The following RHOA variants were observed in gnomAD, a reference collection of about 807,000 sequenced individuals.
RHOA encodes ras homolog family member A.
Under a neutral mutation model 17.5 loss-of-function variants are expected in RHOA, and 3 were observed. The ratio of observed to expected loss-of-function variants is 0.17; its 90% CI spans 0.08 to 0.44. RHOA has a LOEUF of 0.44. Among genes scored for constraint, RHOA ranks in the 20% least tolerant of loss-of-function variants. RHOA has a pLI of 0.99. For missense variants in RHOA, 56 were observed against 242.3 expected (o/e 0.23, Z 5.10); for synonymous variants, 98 against 88.4 (o/e 1.11, Z -0.61).
chr3:49,367,820 CTTAGT>C (rs930408691), intron 3 of RHOA, among the ~76,000 whole-genome samples: 3 of 151,906 alleles, frequency 2.0e-5, no homozygotes, highest in Non-Finnish European at 4.4e-5. Context: ...CCGCACCAGC[CTTAGT>C]TTACTCATCT....
chr3:49,390,507 G>T (rs996377670), intron 1 of RHOA, among the ~76,000 whole-genome samples: 1 of 151,064 alleles, frequency 6.6e-6, no homozygotes, highest in Non-Finnish European at 1.5e-5. Context: ...CAGGTAATTC[G>T]CCTGCCTTGG....
At chr3:49,386,083 TAGTAAC>T (rs1333365029) in intron 1 of RHOA, among the ~76,000 whole-genome samples, 1 of 152,216 alleles carries the variant, frequency 6.6e-6, no homozygotes, top group Non-Finnish European at 1.5e-5. Context: ...GTATGTATTT[TAGTAAC>T]AGTTTGTCAA....
Position 49,360,106 on chromosome 3 carries a change from T to C in RHOA, c.*103A>G. On this transcript the variant is annotated 3_prime_UTR_variant, in exon 5 of 5. Coordinates refer to ENST00000418115, the MANE Select transcript of RHOA (RefSeq NM_001664.4). ...CAAGATGACTTCTGATTTGTAATCT[T>C]AGGTAAATTATAGATAAATGAAAAA... 1.6e-6 allele frequency: 2 copies of C among 1,236,744 alleles called. No individual in the cohort carries two copies. The highest frequency in any genetic ancestry group is 2.3e-6 in the Non-Finnish European group (2 of 888,536). 76.6% of individuals were successfully genotyped at this position (1,236,744 alleles called of 1,614,324 possible).
chr3:49,383,642 C>T (rs1290865735), intron 1 of RHOA, among the ~76,000 whole-genome samples: 5 of 152,098 alleles, frequency 3.3e-5, no homozygotes, highest in Admixed American at 1.3e-4. Flanking sequence ...TCTGAGATTA[C>T]TGCATGTGTC....
intron 1 of RHOA, among the ~76,000 whole-genome samples, chr3:49,400,382 A>C (rs1034765731): frequency 1.3e-5 from 2 of 151,874 alleles, no homozygotes; most frequent in Admixed American, 6.6e-5. Context: ...CCCACTACTC[A>C]TAACATTTCC....
intron 1 of RHOA, among the ~76,000 whole-genome samples, chr3:49,400,224 A>C (rs1282587518): frequency 7.0e-4 from 7 of 10,000 alleles, no homozygotes; most frequent in South Asian, 0.029. Context: ...AAAAAAAAAA[A>C]AACAAAAAAA....
chr3:49,396,953 G>A (rs1233002067), intron 1 of RHOA, among the ~76,000 whole-genome samples: 1 of 151,896 alleles, frequency 6.6e-6, no homozygotes, highest in African/African-American at 2.4e-5. Context: ...AACATGGTGA[G>A]AGCTTGTCTC....
chr3:49,403,387 A>G (rs1024226534), intron 1 of RHOA, among the ~76,000 whole-genome samples: 3 of 152,158 alleles, frequency 2.0e-5, no homozygotes, highest in African/African-American at 7.2e-5. Flanking sequence ...AACTCGACTG[A>G]GTGGCAATTA....
chr3:49,397,129 C>CAAAA (rs141767876), intron 1 of RHOA, among the ~76,000 whole-genome samples: 14 of 86,246 alleles, frequency 1.6e-4, no homozygotes, highest in South Asian at 1.3e-3. Flanking sequence ...AATCCTGTCT[C>CAAAA]AAAAAAAAAA....
chr3:49,404,257 T>C (rs1269534408), intron 1 of RHOA, among the ~76,000 whole-genome samples: 1 of 148,818 alleles, frequency 6.7e-6, no homozygotes, highest in Non-Finnish European at 1.5e-5. Context: ...GAGCTATGAC[T>C]GTGCCACTGC....
At chr3:49,369,006 CTTTTTTTTTTTTTTTTTTTTTT>C (rs1160140765) in intron 2 of RHOA, among the ~76,000 whole-genome samples, 1 of 59,706 alleles carries the variant, frequency 1.7e-5, no homozygotes, top group Non-Finnish European at 2.8e-5. Context: ...CGCGCCTGGC[CTTTTTTTTTTTTTTTTTTTTTT>C]TTTTTTTTTT....
chr3:49,402,479 G>A (rs567485622), intron 1 of RHOA, among the ~76,000 whole-genome samples: 1 of 152,200 alleles, frequency 6.6e-6, no homozygotes, highest in Non-Finnish European at 1.5e-5. Flanking sequence ...TTAGAGACCA[G>A]CCTGGACAAC....
chr3:49,397,129 CA>C (rs141767876), intron 1 of RHOA, among the ~76,000 whole-genome samples: 1,356 of 86,236 alleles, frequency 0.016, 9 homozygotes, highest in African/African-American at 0.047. Flanking sequence ...AATCCTGTCT[CA>C]AAAAAAAAAA....
At chr3:49,405,861 T>A (rs1487528349) in intron 1 of RHOA, among the ~76,000 whole-genome samples, 1 of 152,140 alleles carries the variant, frequency 6.6e-6, no homozygotes, top group Non-Finnish European at 1.5e-5. Flanking sequence ...ATTTTTGTAT[T>A]TTTAGTAGAG....
chr3:49,391,972 C>G lies in RHOA; in HGVS notation c.-2-16381G>C, dbSNP rs550268825. 1.9e-3 allele frequency among the ~76,000 whole-genome samples: 295 copies of G among 151,638 alleles called. 2 individuals are homozygous for G. Among genetic ancestry groups the G allele is most frequent in the African/African-American group, 6.8e-3 (280 of 41,380 alleles). ...CCTCCCAAGTAGCTGGGATTATAGG[C>G]ATCCACCACTATGTTCGGCTCATTT... On this transcript the variant is annotated intron_variant, in intron 1 of 4. Coordinates refer to ENST00000418115, the MANE Select transcript of RHOA (RefSeq NM_001664.4).
intron 3 of RHOA, among the ~76,000 whole-genome samples, chr3:49,362,927 C>T (rs1247761400): frequency 6.6e-6 from 1 of 152,174 alleles, no homozygotes; most frequent in African/African-American, 2.4e-5. Context: ...TCACGGGGGG[C>T]ACTTCCTGCC....
chr3:49,378,240 CTTTTTTTTTTTT>C lies in RHOA; in HGVS notation c.-2-2661_-2-2650del, dbSNP rs71077802. Among the ~76,000 whole-genome samples the C allele has an allele frequency of 1.5e-3, 94 of 60,736 alleles. 2 individuals carry two copies. The East Asian group carries it at 0.055, about 35-fold the overall frequency. The allele number at this position is 60,736 out of a possible 152,430, so 39.8% of individuals were successfully genotyped here. On this transcript the variant is annotated intron_variant, in intron 1 of 4. Coordinates refer to ENST00000418115, the MANE Select transcript of RHOA (RefSeq NM_001664.4). ...GTACGCTATTTATCTATCCATCTAT[CTTTTTTTTTTTT>C]TTTTTTTTTTTTGAGATGAGGTCTC...
intron 1 of RHOA, among the ~76,000 whole-genome samples, chr3:49,389,699 T>G (rs919149816): frequency 6.6e-6 from 1 of 152,088 alleles, no homozygotes; most frequent in Non-Finnish European, 1.5e-5. Flanking sequence ...CCCAGCACTT[T>G]GGGAGGCCGA....
intron 1 of RHOA, among the ~76,000 whole-genome samples, chr3:49,376,413 G>A (rs1575654550): frequency 2.6e-5 from 4 of 151,248 alleles, no homozygotes. Context: ...GGAGGCCGAG[G>A]CGGGTGGATC....
Sources: gnomAD v4.1 joint callset for allele counts (sites outside exome capture counted in the v4.1 genomes callset) on GRCh38, gnomAD v4.1.1 for gene constraint, MANE v1.5 for transcripts, NCBI Gene and HGNC (gene_info 2026-07-23, HGNC 2026-07-21) for gene names.